The following HMGA2 variants were observed in gnomAD, a reference collection of about 807,000 sequenced individuals.
HMGA2 encodes the protein high mobility group AT-hook 2.
HMGA2 carries 8 observed loss-of-function variants against 19.1 expected under a neutral mutation model. The ratio of observed to expected loss-of-function variants is 0.42; its 90% CI spans 0.25 to 0.76. The LOEUF (loss-of-function observed/expected upper bound fraction) is 0.76, where lower values mean the gene tolerates loss of function less well. Among genes scored for constraint, HMGA2 ranks in the 30% least tolerant of loss-of-function variants. HMGA2 has a pLI of 0.28. For synonymous variants in HMGA2, 60 were observed against 48.8 expected, an observed-to-expected ratio of 1.23 and a Z score of -0.96; for missense variants, 109 against 136.3, an observed-to-expected ratio of 0.80 and a Z score of 1.00.
At chr12:65,881,425 G>C (rs1011302699) in intron 3 of HMGA2, 3 of 377,314 alleles carry the variant, frequency 8.0e-6, no homozygotes, top group Admixed American at 4.0e-5. Flanking sequence ...TCACGTGCTT[G>C]CTGGCCAGGA....
intron 3 of HMGA2, among the ~76,000 whole-genome samples, chr12:65,931,595 G>T (rs1019525030): frequency 2.0e-5 from 3 of 149,540 alleles, no homozygotes; most frequent in Admixed American, 1.3e-4. Context: ...GTGTGTTTGT[G>T]TGCGTATCAA....
At chr12:65,828,378 G>GT (rs1232043679) in intron 2 of HMGA2, 6 of 272,296 alleles carry the variant, frequency 2.2e-5, no homozygotes, top group Non-Finnish European at 4.0e-5. Context: ...GTTGCGGGGG[G>GT]GGCGGGATGA....
chr12:65,893,086 A>G (rs1417866796), intron 3 of HMGA2, among the ~76,000 whole-genome samples: 3 of 152,202 alleles, frequency 2.0e-5, no homozygotes, highest in Non-Finnish European at 4.4e-5. Flanking sequence ...CCCCGGTCAC[A>G]GGCTCCTATT....
intron 4 of HMGA2, chr12:65,956,720 G>A (rs567968968): frequency 1.9e-4 from 29 of 151,816 alleles, no homozygotes; most frequent in Non-Finnish European, 3.2e-4. Flanking sequence ...TTTTTTTTAA[G>A]TATGACTGTT....
chr12:65,875,811 A>G (rs1872987566), intron 3 of HMGA2, among the ~76,000 whole-genome samples: 1 of 150,742 alleles, frequency 6.6e-6, no homozygotes, highest in African/African-American at 2.4e-5. Flanking sequence ...GTGAGTTTGA[A>G]CTACCAACTT....
chr12:65,865,432 A>G (rs945229596), intron 3 of HMGA2, among the ~76,000 whole-genome samples: 5 of 152,168 alleles, frequency 3.3e-5, no homozygotes, highest in African/African-American at 1.2e-4. Flanking sequence ...ATAATTGAAC[A>G]TATGTACAGT....
At chr12:65,875,894 G>C (rs1034623501) in intron 3 of HMGA2, among the ~76,000 whole-genome samples, 3 of 151,860 alleles carry the variant, frequency 2.0e-5, no homozygotes, top group African/African-American at 7.3e-5. Flanking sequence ...AATGTGCAAG[G>C]TTACTTAGTA....
chr12:65,904,950 G>A (rs1163208653), intron 3 of HMGA2, among the ~76,000 whole-genome samples: 2 of 151,978 alleles, frequency 1.3e-5, no homozygotes, highest in Non-Finnish European at 2.9e-5. Context: ...GCTGAGGCAC[G>A]AGAATTGCTT....
rs983451513 is a variant in HMGA2, at chr12:65,939,362, T to C, written c.250-12021T>C. On this transcript the variant is annotated intron_variant, in intron 3 of 4. Transcript: ENST00000403681. Reference sequence around the variant, plus strand: ...ACACATGCACACATACAAGCTTTTTTTTTTTCTTTTTGAGACCGAGTCTCG... The same window carrying C: ...ACACATGCACACATACAAGCTTTTTCTTTTTCTTTTTGAGACCGAGTCTCG... Among the ~76,000 whole-genome samples, 5 of 151,654 alleles carry C rather than the reference T, an allele frequency of 3.3e-5. No individual in the cohort carries two copies. In the East Asian group the frequency reaches 1.0e-3, roughly 31 times the overall value.
At chr12:65,841,002 G>A (rs757652334) in intron 3 of HMGA2, among the ~76,000 whole-genome samples, 1 of 151,942 alleles carries the variant, frequency 6.6e-6, no homozygotes, top group Non-Finnish European at 1.5e-5. Context: ...CTCCACATCT[G>A]GCCAGCTAGT....
intron 3 of HMGA2, among the ~76,000 whole-genome samples, chr12:65,900,055 A>G (rs1874308304): frequency 6.6e-6 from 1 of 152,254 alleles, no homozygotes; most frequent in Non-Finnish European, 1.5e-5. Context: ...TTTAATACTT[A>G]TAACGACTTC....
At chr12:65,929,831 G>T (rs548301569) in intron 3 of HMGA2, among the ~76,000 whole-genome samples, 3 of 152,100 alleles carry the variant, frequency 2.0e-5, no homozygotes, top group Non-Finnish European at 4.4e-5. Context: ...GGATAAACTG[G>T]TTGTTTGCCC....
intron 3 of HMGA2, among the ~76,000 whole-genome samples, chr12:65,933,832 C>T (rs1375904175): frequency 1.3e-5 from 2 of 152,070 alleles, no homozygotes; most frequent in Non-Finnish European, 2.9e-5. Flanking sequence ...TTAACCTGTC[C>T]TTAATTTGTT....
chr12:65,826,786 A>G (rs930368598), intron 1 of HMGA2: 4 of 151,816 alleles, frequency 2.6e-5, no homozygotes, highest in African/African-American at 9.7e-5. Flanking sequence ...CCTCCAAAAA[A>G]AAAAAAAAAA....
chr12:65,889,057 A>G (rs1021462001), intron 3 of HMGA2, among the ~76,000 whole-genome samples: 1 of 152,192 alleles, frequency 6.6e-6, no homozygotes, highest in African/African-American at 2.4e-5. Flanking sequence ...GAATTTCATC[A>G]TCACCCTACT....
chr12:65,963,006 C>A (rs1393703850), intron 4 of HMGA2, among the ~76,000 whole-genome samples: 1 of 152,100 alleles, frequency 6.6e-6, no homozygotes, highest in Non-Finnish European at 1.5e-5. Context: ...GCTGACCAGC[C>A]GCCATGATGT....
chr12:65,941,646 T>C (rs1336021930), intron 3 of HMGA2, among the ~76,000 whole-genome samples: 2 of 152,220 alleles, frequency 1.3e-5, no homozygotes, highest in East Asian at 1.9e-4. Context: ...GTACTGACTC[T>C]TTCCTTAAGG....
At chr12:65,864,640 G>T (rs1872291357) in intron 3 of HMGA2, among the ~76,000 whole-genome samples, 1 of 152,082 alleles carries the variant, frequency 6.6e-6, no homozygotes, top group South Asian at 2.1e-4. Flanking sequence ...CATTACTATT[G>T]TAATGTTCAT....
intron 3 of HMGA2, among the ~76,000 whole-genome samples, chr12:65,921,855 C>T (rs1196838112): frequency 2.6e-5 from 4 of 152,212 alleles, no homozygotes; most frequent in Non-Finnish European, 4.4e-5. Flanking sequence ...TGCCCTGTGT[C>T]CCAGCAGCTC....
Sources: allele counts gnomAD v4.1 joint callset (sites outside exome capture counted in the v4.1 genomes callset), GRCh38; gene constraint gnomAD v4.1.1; transcripts MANE v1.5; gene names NCBI Gene and HGNC (gene_info 2026-07-23, HGNC 2026-07-21).